NINL: variants seen among roughly 807,000 people sequenced by gnomAD.
NINL encodes the protein ninein-like protein.
A neutral mutation model predicts 160.3 loss-of-function variants in NINL; 153 were observed. The ratio of observed to expected loss-of-function variants is 0.95; its 90% CI spans 0.84 to 1.09. The LOEUF is 1.09. Ranked by LOEUF, NINL falls within the 50% of genes least tolerant of loss-of-function variation. NINL has a pLI of 0.00. For missense variants in NINL, 1,829 were observed against 1,764.0 expected, an observed-to-expected ratio of 1.04 and a Z score of -0.66; for synonymous variants, 800 against 734.8, an observed-to-expected ratio of 1.09 and a Z score of -1.43.
intron 22 of NINL, among the ~76,000 whole-genome samples, chr20:25,457,906 G>C (rs2090730125): frequency 6.6e-6 from 1 of 152,234 alleles, no homozygotes; most frequent in South Asian, 2.1e-4. Flanking sequence ...CTGAGGCACA[G>C]AGAGGTTCAC....
intron 1 of NINL, among the ~76,000 whole-genome samples, chr20:25,554,636 C>CAAAAAAAAAAAAAAAAAAAAAAAA (rs747557892): frequency 1.2e-5 from 1 of 85,800 alleles, no homozygotes. Flanking sequence ...AAAAAAAAAA[C>CAAAAAAAAAAAAAAAAAAAAAAAA]AAAAAAAAAA....
chr20:25,524,607 C>T (rs1308359336), intron 2 of NINL, among the ~76,000 whole-genome samples: 2 of 152,166 alleles, frequency 1.3e-5, no homozygotes, highest in African/African-American at 4.8e-5. Flanking sequence ...TTTCAGGGTG[C>T]GTGTGACAGG....
chr20:25,477,163 G>T, intron 16 of NINL, 74 bp from the exon 17 acceptor site: 1 of 1,388,874 alleles, frequency 7.2e-7, no homozygotes. Context: ...AGTCTGCCCA[G>T]CTGTTGCAAC....
intron 11 of NINL, 120 bp downstream of exon 11, chr20:25,491,231 T>C: frequency 7.8e-7 from 1 of 1,281,984 alleles, no homozygotes; most frequent in Non-Finnish European, 1.1e-6. Flanking sequence ...GGCCCTGCCC[T>C]GAAACATAAG....
At chr20:25,463,226 A>G (rs2062835357) in intron 19 of NINL, among the ~76,000 whole-genome samples, 1 of 152,164 alleles carries the variant, frequency 6.6e-6, no homozygotes, top group African/African-American at 2.4e-5. Flanking sequence ...AAGGGAGTAT[A>G]TGCCATGACC....
chr20:25,500,045 C>A (rs1283146598), intron 8 of NINL, among the ~76,000 whole-genome samples: 1 of 151,304 alleles, frequency 6.6e-6, no homozygotes, highest in South Asian at 2.1e-4. Flanking sequence ...ACACCAACAG[C>A]TGTCGCCCCC....
intron 1 of NINL, among the ~76,000 whole-genome samples, chr20:25,541,629 T>C (rs1485347089): frequency 6.6e-6 from 1 of 152,250 alleles, no homozygotes; most frequent in African/African-American, 2.4e-5. Context: ...CATGAGATTA[T>C]CCACATACAC....
intron 23 of NINL, among the ~76,000 whole-genome samples, chr20:25,454,922 C>T (rs1284115453): frequency 6.6e-6 from 1 of 152,172 alleles, no homozygotes; most frequent in Non-Finnish European, 1.5e-5. Flanking sequence ...CATGCTTTTA[C>T]TTAAAATCTC....
At chr20:25,505,114 A>G (rs1160806535) in intron 5 of NINL, 36 bp from the exon 6 acceptor site, 2 of 1,511,698 alleles carry the variant, frequency 1.3e-6, no homozygotes, top group Non-Finnish European at 1.8e-6. Context: ...ACACCCTGAT[A>G]CATACACAAT....
rs201597338 is a variant in NINL at position 25,498,253 on chromosome 20, G to A, written c.1126C>T (p.Gln376Ter). The A allele has an allele frequency of 3.1e-6, 5 of 1,613,186 alleles. No individual in the cohort carries two copies. Among genetic ancestry groups the A allele is most frequent in the Non-Finnish European group, 4.2e-6 (5 of 1,180,000 alleles). ...ELMTVDSAVQ[Q>*]AALACYHQEL... ...TGGTGGTAGCAGGCCAGGGCTGCCTGCTGGACGGCACTGTCCACTGTCATG... is the reference window on the plus strand; with the variant it reads ...TGGTGGTAGCAGGCCAGGGCTGCCTACTGGACGGCACTGTCCACTGTCATG... The change falls in exon 9 of 24, where the codon CAG becomes TAG. Residue 376 changes from glutamine (Q) to a stop codon, truncating the protein, a stop_gained. Transcript: ENST00000278886. LOFTEE classifies it high-confidence loss of function.
intron 10 of NINL, among the ~76,000 whole-genome samples, chr20:25,495,980 C>T (rs2063745076): frequency 6.6e-6 from 1 of 152,102 alleles, no homozygotes; most frequent in Admixed American, 6.5e-5. Flanking sequence ...CCCATCTCTA[C>T]TAAAAATACA....
At chr20:25,509,786 T>C in intron 5 of NINL, 1 of 441,232 alleles carries the variant, frequency 2.3e-6, no homozygotes, top group Non-Finnish European at 4.5e-6. Flanking sequence ...CTATCCAAAA[T>C]ACTCTAGGAT....
intron 1 of NINL, among the ~76,000 whole-genome samples, chr20:25,573,598 G>A (rs2065079900): frequency 1.3e-5 from 2 of 152,192 alleles, no homozygotes; most frequent in South Asian, 2.1e-4. Flanking sequence ...CCCTAAAAGA[G>A]GATTCAGAAT....
chr20:25,470,531 A>G (rs1210326024), intron 17 of NINL, among the ~76,000 whole-genome samples: 1 of 152,206 alleles, frequency 6.6e-6, no homozygotes, highest in African/African-American at 2.4e-5. Flanking sequence ...AGGCCAAGAT[A>G]TATGGGAAAC....
At chr20:25,510,608 C>T (rs1017952889) in intron 5 of NINL, 66 bp downstream of exon 5, 12 of 1,412,472 alleles carry the variant, frequency 8.5e-6, no homozygotes, top group Admixed American at 8.4e-5. Flanking sequence ...CCCAATGACC[C>T]GGCTGTTCAG....
chr20:25,471,641 G>A (rs1467444921), intron 17 of NINL, among the ~76,000 whole-genome samples: 1 of 152,206 alleles, frequency 6.6e-6, no homozygotes, highest in Admixed American at 6.5e-5. Context: ...ACCAACGCGT[G>A]AGCACTATGC....
chr20:25,554,887 T>C (rs1214479558), intron 1 of NINL, among the ~76,000 whole-genome samples: 2 of 152,196 alleles, frequency 1.3e-5, no homozygotes, highest in Non-Finnish European at 2.9e-5. Flanking sequence ...TTTGGCAGTA[T>C]GTGCCACTCA....
In NINL at chr20:25,455,639, C is replaced by T. The variant is rs757877825; in HGVS notation, c.3957+34G>A. 153 of 1,478,212 alleles carry T rather than the reference C, an allele frequency of 1.0e-4. No individual in the cohort carries two copies. The Admixed American group carries it at 1.2e-3, about 12-fold the overall frequency. 91.6% of individuals were successfully genotyped at this position (1,478,212 alleles called of 1,614,324 possible). ...AAAGTGGAGAGCGTTCAGAAGAGGA[C>T]GTGAACACGAAAGCAGCAGCGCCCA... On this transcript the variant is annotated intron_variant, in intron 23 of 23. Transcript: ENST00000278886.
chr20:25,534,364 G>C (rs963853886), intron 1 of NINL, among the ~76,000 whole-genome samples: 3 of 152,134 alleles, frequency 2.0e-5, no homozygotes, highest in Non-Finnish European at 4.4e-5. Context: ...CCGCTCACTT[G>C]TGACAATAAC....
Sources: gnomAD v4.1 joint callset for allele counts (sites outside exome capture counted in the v4.1 genomes callset) on GRCh38, gnomAD v4.1.1 for gene constraint, MANE v1.5 for transcripts, NCBI Gene and HGNC (gene_info 2026-07-23, HGNC 2026-07-21) for gene names.